The following ARMCX4 variants were observed in gnomAD, a reference collection of about 807,000 sequenced individuals.
ARMCX4 encodes the protein armadillo repeat-containing X-linked protein 4.
A neutral mutation model predicts 34.7 loss-of-function variants in ARMCX4; 3 were observed. That is an observed-to-expected ratio of 0.09 (90% CI 0.04 to 0.22). The LOEUF (loss-of-function observed/expected upper bound fraction) is 0.22. Ranked by LOEUF, ARMCX4 falls within the 10% of genes least tolerant of loss-of-function variation. ARMCX4 has a pLI of 1.00. For synonymous variants in ARMCX4, 513 were observed against 632.8 expected, an observed-to-expected ratio of 0.81 and a Z score of 2.84; for missense variants, 1,448 against 1,720.8, an observed-to-expected ratio of 0.84 and a Z score of 2.81.
Position 101,509,046 on chromosome X carries a change from C to T in ARMCX4, c.*1597-318C>T, listed in dbSNP as rs568906347. Among the ~76,000 whole-genome samples, 6 of 111,106 alleles carry T rather than the reference C, an allele frequency of 5.4e-5. No individual in the cohort carries two copies. In the South Asian group the frequency reaches 2.2e-3, roughly 41 times the overall value. ...ATTTTCTCTAGATTTAATTTCTTCC[C>T]CCCTCTCTTTTTCTATGTATTTATC... is the stretch of plus-strand genomic sequence containing the variant. On this transcript the variant is annotated intron_variant and NMD_transcript_variant, in intron 8 of 12. Transcript: ENST00000354842.
chrX:101,501,910 G>A (rs1219267750), intron 7 of ARMCX4, among the ~76,000 whole-genome samples: 2 of 111,933 alleles, frequency 1.8e-5, no homozygotes, highest in Non-Finnish European at 3.8e-5. Context: ...AACAAGTCCT[G>A]CTGATGTCCT....
At chrX:101,534,081 A>C (rs1556022858), downstream of ARMCX4, among the ~76,000 whole-genome samples, 2 of 112,193 alleles carry the variant, frequency 1.8e-5, no homozygotes, top group East Asian at 5.5e-4. Flanking sequence ...TACAATAGCC[A>C]TGGGAAAAGA....
chrX:101,468,581 C>T lies in ARMCX4; in HGVS notation c.-472-17442C>T, dbSNP rs1190455938. 4.5e-5 allele frequency among the ~76,000 whole-genome samples: 5 copies of T among 110,643 alleles called. No individual in the cohort carries two copies. The East Asian group carries it at 8.5e-4, about 19-fold the overall frequency. ...CTGGGATTACAGGTGTGAGGCACCA[C>T]GCCTGTCCTTAGGAGAGTATTTTTC... On this transcript the variant is annotated intron_variant and NMD_transcript_variant, in intron 4 of 15. Transcript: ENST00000433011.
chrX:101,498,223 A>G (rs782525971), downstream of ARMCX4: 4 of 325,910 alleles, frequency 1.2e-5, no homozygotes, highest in Non-Finnish European at 2.4e-5. Flanking sequence ...TGGGAAGCCA[A>G]CCTGCAACAG....
chrX:101,464,789 C>T (rs1932763801), intron 4 of ARMCX4, among the ~76,000 whole-genome samples: 1 of 111,747 alleles, frequency 8.9e-6, no homozygotes, highest in African/African-American at 3.3e-5. Context: ...GAGATAAAAT[C>T]CCTTTCTTTG....
downstream of ARMCX4, among the ~76,000 whole-genome samples, chrX:101,496,751 A>G (rs548336681): frequency 9.0e-6 from 1 of 111,646 alleles, no homozygotes; most frequent in South Asian, 3.9e-4. Context: ...CCCACCCCAT[A>G]GTGAGGGTGA....
chrX:101,490,083 C>T lies in ARMCX4; in HGVS notation c.1494C>T (p.Thr498=). Residue 498 remains threonine, a synonymous_variant, in exon 6 of 6, where the codon ACC becomes ACT. Transcript: ENST00000423738. ...GKIKVRGNVN[T]MPKEGAGVDM... is the part of the protein sequence containing the mutation. ...TTAAGGTCAGGGGCAATGTCAATAC[C>T]ATGCCTAAGGAAGGAGCTGGGGTGG... 8.7e-7 allele frequency: 1 copy of T among 1,155,658 alleles called. No homozygotes were observed. Among genetic ancestry groups the T allele is most frequent in the South Asian group, 1.9e-5 (1 of 52,716 alleles).
intron 11 of ARMCX4, among the ~76,000 whole-genome samples, chrX:101,513,675 A>G (rs1346773433): frequency 3.6e-5 from 4 of 111,529 alleles, no homozygotes; most frequent in African/African-American, 1.3e-4. Flanking sequence ...GCTGGTTTTT[A>G]TAACTATTTT....
intron 2 of ARMCX4, among the ~76,000 whole-genome samples, chrX:101,432,823 T>C (rs1162005517): frequency 1.9e-5 from 2 of 103,954 alleles, no homozygotes; most frequent in Non-Finnish European, 4.0e-5. Flanking sequence ...TATATATGTA[T>C]ATACGTGTAT....
chrX:101,473,676 A>T (rs782757163), intron 4 of ARMCX4, among the ~76,000 whole-genome samples: 2,873 of 104,249 alleles, frequency 0.028, 48 homozygotes, highest in Non-Finnish European at 0.043. Context: ...GCTCAACTAC[A>T]TGGAAACTGA....
At position 101,489,942 on chromosome X, in the gene ARMCX4, G is replaced by A. The variant is rs781962853; in HGVS notation, c.1353G>A (p.Lys451=). Residue 451 remains lysine (K), a synonymous_variant, in exon 6 of 6, where the codon AAG becomes AAA. Transcript: ENST00000423738. Reference sequence around the variant, plus strand: ...AGGCCTTGCCTGATGCCAGGGATAAGAGCAGAGGCAATCCCAATGTTATGG... The same window carrying A: ...AGGCCTTGCCTGATGCCAGGGATAAAAGCAGAGGCAATCCCAATGTTATGG... ...QVEALPDARD[K]SRGNPNVMAK... 82 of 1,151,239 alleles carry A rather than the reference G, an allele frequency of 7.1e-5. No individual in the cohort carries two copies. Among genetic ancestry groups the A allele is most frequent in the Non-Finnish European group, 9.0e-5 (78 of 871,371 alleles). The allele number at this position is 1,151,239 out of a possible 1,213,427, so 94.9% of individuals were successfully genotyped here. A position where few individuals can be genotyped will look rare whatever the true frequency, so the allele number is the denominator to read the frequency against.
rs782504142 is a variant in ARMCX4 at position 101,494,691 on chromosome X, C to T, written c.6102C>T (p.His2034=). The T allele has an allele frequency of 6.9e-6, 8 of 1,153,820 alleles. No individual in the cohort carries two copies. The highest frequency in any genetic ancestry group is 3.6e-5 in the African/African-American group (2 of 55,614). The part of the protein sequence containing the change: ...KTRPWSCRCK[H]EANMDPRDLE... Reference sequence around the variant, plus strand: ...GGCCCTGGTCTTGCCGCTGTAAACACGAAGCTAATATGGATCCACGAGATC... The same window carrying T: ...GGCCCTGGTCTTGCCGCTGTAAACATGAAGCTAATATGGATCCACGAGATC... The change falls in exon 6 of 6, where the codon CAC becomes CAT. Residue 2034 remains histidine (H), a synonymous_variant. Coordinates refer to ENST00000423738, the MANE Select transcript of ARMCX4 (RefSeq NM_001256155.3).
intron 11 of ARMCX4, among the ~76,000 whole-genome samples, chrX:101,514,860 A>G (rs1461158546): frequency 8.9e-6 from 1 of 111,833 alleles, no homozygotes; most frequent in Non-Finnish European, 1.9e-5. Flanking sequence ...CTTTACTGGC[A>G]AAGAAGAATC....
chrX:101,467,514 GA>G (rs1341198506), intron 4 of ARMCX4, among the ~76,000 whole-genome samples: 1 of 111,725 alleles, frequency 9.0e-6, no homozygotes, highest in Non-Finnish European at 1.9e-5. Context: ...AAGGAGCTAG[GA>G]AAAAAATCCC....
chrX:101,515,149 A>C (rs1006871478), intron 11 of ARMCX4, among the ~76,000 whole-genome samples: 4 of 111,432 alleles, frequency 3.6e-5, no homozygotes, highest in African/African-American at 6.5e-5. Context: ...GATTAACAGC[A>C]ACCAACTAAT....
intron 2 of ARMCX4, among the ~76,000 whole-genome samples, chrX:101,433,101 T>A (rs1247738375): frequency 4.9e-5 from 3 of 60,741 alleles, no homozygotes; most frequent in African/African-American, 1.4e-4. Flanking sequence ...TGTGTATACA[T>A]ACGCACGTAT....
intron 5 of ARMCX4, 26 bp downstream of exon 5, chrX:101,488,125 G>T: frequency 4.4e-6 from 3 of 680,450 alleles, no homozygotes; most frequent in Non-Finnish European, 6.1e-6. Flanking sequence ...GGGCCCTGTA[G>T]ACAGGTGACC....
At chrX:101,445,429 C>G (rs1208523933) in intron 3 of ARMCX4, among the ~76,000 whole-genome samples, 4 of 111,793 alleles carry the variant, frequency 3.6e-5, no homozygotes, top group African/African-American at 1.3e-4. Context: ...TGAATTTTCA[C>G]AGGGCTTGGC....
At chrX:101,476,372 G>A (rs1048303165) in intron 4 of ARMCX4, among the ~76,000 whole-genome samples, 15 of 108,798 alleles carry the variant, frequency 1.4e-4, no homozygotes, top group African/African-American at 5.0e-4. Context: ...AACATTTCAT[G>A]TACCCCATAA....
Sources: gnomAD v4.1 joint callset for allele counts (sites outside exome capture counted in the v4.1 genomes callset) on GRCh38, gnomAD v4.1.1 for gene constraint, MANE v1.5 for transcripts, NCBI Gene and HGNC (gene_info 2026-07-23, HGNC 2026-07-21) for gene names.